AGPAT3: variants seen among roughly 807,000 people sequenced by gnomAD.
The protein encoded by AGPAT3 is 1-acyl-sn-glycerol-3-phosphate acyltransferase gamma.
A neutral mutation model predicts 47.3 loss-of-function variants in AGPAT3; 5 were observed. The observed-to-expected ratio is 0.11, with a 90% CI of 0.06 to 0.22. The LOEUF (loss-of-function observed/expected upper bound fraction) is 0.22. AGPAT3 is among the 10% of genes least tolerant of loss of function. AGPAT3 has a pLI of 1.00. For synonymous variants in AGPAT3, 212 were observed against 208.3 expected (o/e 1.02, Z -0.15); for missense variants, 315 against 493.0 (o/e 0.64, Z 3.42).
intron 7 of AGPAT3, 119 bp downstream of exon 7, chr21:43,971,609 A>G (rs2089400142): frequency 2.3e-5 from 20 of 886,938 alleles, no homozygotes; most frequent in Non-Finnish European, 3.5e-5. Context: ...GCAGGGTGGA[A>G]CTCACACGGA....
rs982774895 is a variant in AGPAT3 at position 43,890,927 on chromosome 21, G to A, written c.-111-13030G>A. On this transcript the variant is annotated intron_variant, in intron 1 of 9. Transcript: ENST00000291572. ...TAATTTTTGTATTTTTAGTAGAGAC[G>A]GGGTTTTGCCATGTTGGACAGGCCA... 1.4e-4 allele frequency among the ~76,000 whole-genome samples: 22 copies of A among 152,088 alleles called. No homozygotes were observed. The East Asian group carries it at 2.9e-3, about 20-fold the overall frequency.
intron 2 of AGPAT3, among the ~76,000 whole-genome samples, chr21:43,918,733 C>T (rs897914145): frequency 3.9e-5 from 6 of 152,168 alleles, no homozygotes; most frequent in East Asian, 3.9e-4. Flanking sequence ...TGCGCCACCA[C>T]GCCCAGCTAA....
In AGPAT3 at chr21:43,959,333, GT is replaced by G. The variant is rs1236671493; in HGVS notation, c.-48-300del. 3.4e-4 allele frequency among the ~76,000 whole-genome samples: 50 copies of G among 147,302 alleles called. No homozygotes were observed. The South Asian group carries it at 0.011, about 32-fold the overall frequency. ...GTGTGGCGTGTGTGTGGTTGTGTGT[GT>G]GTGGCGTGTGTGTGGTATGTGTGTG... is the stretch of plus-strand genomic sequence containing the variant. On this transcript the variant is annotated intron_variant, in intron 2 of 9. Coordinates refer to ENST00000291572, the MANE Select transcript of AGPAT3 (RefSeq NM_020132.5).
chr21:43,881,865 C>T (rs905435088), intron 1 of AGPAT3, among the ~76,000 whole-genome samples: 1 of 152,198 alleles, frequency 6.6e-6, no homozygotes, highest in Admixed American at 6.5e-5. Context: ...TCATATTGGT[C>T]AGGCTGGTCT....
chr21:43,949,119 A>G (rs554920721), intron 2 of AGPAT3, among the ~76,000 whole-genome samples: 2 of 152,276 alleles, frequency 1.3e-5, no homozygotes, highest in East Asian at 3.9e-4. Flanking sequence ...TGAACTATAG[A>G]ATCAGTATGT....
At chr21:43,960,320 G>A (rs955210307) in intron 3 of AGPAT3, among the ~76,000 whole-genome samples, 2 of 152,192 alleles carry the variant, frequency 1.3e-5, no homozygotes, top group Non-Finnish European at 2.9e-5. Context: ...CTGTCCGTAT[G>A]TGCCTCTGTG....
chr21:43,875,762 C>T (rs2085720186), intron 1 of AGPAT3, among the ~76,000 whole-genome samples: 1 of 152,152 alleles, frequency 6.6e-6, no homozygotes, highest in Non-Finnish European at 1.5e-5. Context: ...TGCCCACCAC[C>T]ATGCCCGGCT....
chr21:43,977,552 G>A (rs900381050), intron 7 of AGPAT3, among the ~76,000 whole-genome samples: 4 of 152,210 alleles, frequency 2.6e-5, no homozygotes, highest in African/African-American at 9.6e-5. Context: ...GGATGCCTGA[G>A]GAGAAGCTCA....
intron 3 of AGPAT3, 137 bp from the exon 4 acceptor site, chr21:43,967,809 G>T: frequency 1.2e-6 from 1 of 820,080 alleles, no homozygotes; most frequent in South Asian, 1.8e-5. Context: ...AACGTACTCA[G>T]TGTAAGTCAT....
At chr21:43,940,428 A>G (rs946468519) in intron 2 of AGPAT3, among the ~76,000 whole-genome samples, 2 of 152,156 alleles carry the variant, frequency 1.3e-5, no homozygotes, top group African/African-American at 4.8e-5. Context: ...CTGCATGTCA[A>G]CAAACCCTGC....
At chr21:43,901,191 G>A (rs1448028793) in intron 1 of AGPAT3, among the ~76,000 whole-genome samples, 3 of 152,094 alleles carry the variant, frequency 2.0e-5, no homozygotes, top group Non-Finnish European at 2.9e-5. Flanking sequence ...TGGGCATAGT[G>A]GTATGCACCT....
intron 2 of AGPAT3, among the ~76,000 whole-genome samples, chr21:43,926,725 C>A (rs940596735): frequency 7.2e-6 from 1 of 138,248 alleles, no homozygotes; most frequent in Non-Finnish European, 1.5e-5. Context: ...TTTGGGAGGC[C>A]GAGGTGGGTG....
At chr21:43,938,714 G>T (rs1418911197) in intron 2 of AGPAT3, among the ~76,000 whole-genome samples, 1 of 152,190 alleles carries the variant, frequency 6.6e-6, no homozygotes, top group Non-Finnish European at 1.5e-5. Flanking sequence ...TTGTTACATT[G>T]CTGTGTAACG....
rs764748393 is a variant in AGPAT3 at position 43,970,085 on chromosome 21, T to C, written c.511-568T>C. On this transcript the variant is annotated intron_variant, in intron 5 of 9. Coordinates refer to ENST00000291572, the MANE Select transcript of AGPAT3 (RefSeq NM_020132.5). The surrounding 1 kb of genome is among the most constrained non-coding windows in gnomAD (Gnocchi z 5.8). Reference sequence around the variant, plus strand: ...GTGCAGTGGCATGATCTCAGCTCACTGCAACCTCTGCCTCCCGGGTTCCAG... The same window carrying C: ...GTGCAGTGGCATGATCTCAGCTCACCGCAACCTCTGCCTCCCGGGTTCCAG... 3.3e-5 allele frequency among the ~76,000 whole-genome samples: 5 copies of C among 152,082 alleles called. No homozygotes were observed. The highest frequency in any genetic ancestry group is 5.9e-5 in the Non-Finnish European group (4 of 68,016).
intron 2 of AGPAT3, chr21:43,948,186 C>T (rs995632824): frequency 1.6e-4 from 25 of 152,180 alleles, no homozygotes; most frequent in African/African-American, 5.8e-4. Flanking sequence ...CAGCTGCTCC[C>T]CAGACCCTAA....
intron 1 of AGPAT3, among the ~76,000 whole-genome samples, chr21:43,900,303 G>A (rs2086320774): frequency 6.6e-6 from 1 of 152,180 alleles, no homozygotes; most frequent in Non-Finnish European, 1.5e-5. Context: ...TTCTAGCCAT[G>A]GTGGAAGATA....
Position 43,950,288 on chromosome 21 carries a change from G to A in AGPAT3, c.-48-9346G>A, listed in dbSNP as rs533981567. 7.2e-5 allele frequency among the ~76,000 whole-genome samples: 11 copies of A among 152,280 alleles called. No individual in the cohort carries two copies. The East Asian group carries it at 7.7e-4, about 11-fold the overall frequency. Reference sequence around the variant, plus strand: ...TCCTGGGTATTGAGGCTACACAATCGTCTGCACAGACTGACAGTTTCACCT... The same window carrying A: ...TCCTGGGTATTGAGGCTACACAATCATCTGCACAGACTGACAGTTTCACCT... On this transcript the variant is annotated intron_variant, in intron 2 of 9. Transcript: ENST00000291572.
intron 1 of AGPAT3, among the ~76,000 whole-genome samples, chr21:43,889,159 C>T (rs2086046834): frequency 6.6e-6 from 1 of 152,096 alleles, no homozygotes; most frequent in African/African-American, 2.4e-5. Flanking sequence ...ATTGACTTTT[C>T]TTGTCGTCCT....
chr21:43,901,390 C>T (rs1358016514), intron 1 of AGPAT3, among the ~76,000 whole-genome samples: 1 of 150,700 alleles, frequency 6.6e-6, no homozygotes, highest in African/African-American at 2.4e-5. Context: ...GATGATAGAG[C>T]TAGCAGGCAA....
Sources: gnomAD v4.1 joint callset for allele counts (sites outside exome capture counted in the v4.1 genomes callset) on GRCh38, gnomAD v4.1.1 for gene constraint, Gnocchi (gnomAD v3.1) non-coding constraint, MANE v1.5 for transcripts, NCBI Gene and HGNC (gene_info 2026-07-23, HGNC 2026-07-21) for gene names.